The following DAB2IP variants were observed in gnomAD, a reference collection of about 807,000 sequenced individuals.
The protein encoded by DAB2IP is disabled homolog 2-interacting protein.
Under a neutral mutation model 107.2 loss-of-function variants are expected in DAB2IP, and 28 were observed. The observed-to-expected ratio is 0.26, with a 90% CI of 0.19 to 0.36. The LOEUF (loss-of-function observed/expected upper bound fraction) is 0.36, where lower values mean the gene tolerates loss of function less well. Among genes scored for constraint, DAB2IP ranks in the 10% least tolerant of loss-of-function variants. The probability of loss-of-function intolerance (pLI) is 1.00; values close to 1 mark genes in which losing one functional copy is unlikely to be tolerated. For synonymous variants in DAB2IP, 755 were observed against 706.4 expected (o/e 1.07, Z -1.09); for missense variants, 1,400 against 1,644.7 (o/e 0.85, Z 2.57).
chr9:121,745,143 G>T (rs549514355), intron 3 of DAB2IP, among the ~76,000 whole-genome samples: 1 of 152,350 alleles, frequency 6.6e-6, no homozygotes, highest in South Asian at 2.1e-4. Context: ...GCCTTGGGAA[G>T]CCCCTGGAGG....
chr9:121,642,710 T>G (rs1832405389), intron 1 of DAB2IP, among the ~76,000 whole-genome samples: 1 of 151,970 alleles, frequency 6.6e-6, no homozygotes, highest in Non-Finnish European at 1.5e-5. Flanking sequence ...TTCTATGCAC[T>G]GGGCATATGG....
At chr9:121,644,477 A>G (rs1403933556) in intron 1 of DAB2IP, among the ~76,000 whole-genome samples, 1 of 151,608 alleles carries the variant, frequency 6.6e-6, no homozygotes, top group Non-Finnish European at 1.5e-5. Flanking sequence ...CACGCCTGTA[A>G]TCCCAGTTAC....
intron 1 of DAB2IP, among the ~76,000 whole-genome samples, chr9:121,569,196 G>A (rs892189757): frequency 1.3e-5 from 2 of 152,232 alleles, no homozygotes; most frequent in East Asian, 1.9e-4. Flanking sequence ...GGAAAACTGC[G>A]GTCTCAGTGA....
chr9:121,571,275 G>C (rs1161350914), intron 1 of DAB2IP, among the ~76,000 whole-genome samples: 4 of 152,036 alleles, frequency 2.6e-5, no homozygotes, highest in African/African-American at 9.7e-5. Context: ...TGCATCTCCC[G>C]TGAGTCTCTA....
Position 121,593,597 on chromosome 9 carries a change from A to ACTTTCTTT in DAB2IP, c.40+26386_40+26393dup, listed in dbSNP as rs375746544. On this transcript the variant is annotated intron_variant, in intron 1 of 16. Transcript: ENST00000259371. ...CCCTGGAATTTTTGATCAGCCTCCC[A>ACTTTCTTT]CTTTCTTTCTTTCTTTCTTTCTTTA... Among the ~76,000 whole-genome samples the ACTTTCTTT allele has an allele frequency of 6.6e-3, 969 of 146,040 alleles. 10 individuals carry two copies. Among genetic ancestry groups the ACTTTCTTT allele is most frequent in the African/African-American group, 0.023 (915 of 39,518 alleles).
In DAB2IP at chr9:121,778,271, C is replaced by T. The variant is rs992884242; in HGVS notation, c.3314+1880C>T. Among the ~76,000 whole-genome samples the T allele has an allele frequency of 5.9e-5, 9 of 152,278 alleles. No homozygotes were observed. In the East Asian group the frequency reaches 1.7e-3, roughly 29 times the overall value. On this transcript the variant is annotated intron_variant, in intron 14 of 15. Transcript: ENST00000408936. ...AAGCCCATAGGATGTAATCACCTCT[C>T]AAAACCCCTACCTATTAAGATAATC...
chr9:121,685,328 G>A (rs1482837192), intron 2 of DAB2IP, among the ~76,000 whole-genome samples: 1 of 152,216 alleles, frequency 6.6e-6, no homozygotes, highest in Non-Finnish European at 1.5e-5. Flanking sequence ...GGCCAGGGTG[G>A]GGCAAGGATG....
At chr9:121,603,425 A>G (rs1830758581) in intron 1 of DAB2IP, among the ~76,000 whole-genome samples, 1 of 152,238 alleles carries the variant, frequency 6.6e-6, no homozygotes, top group African/African-American at 2.4e-5. Context: ...AGCACAAATT[A>G]TTAAACACCC....
At chr9:121,570,253 C>T (rs1829906518) in intron 1 of DAB2IP, among the ~76,000 whole-genome samples, 1 of 151,624 alleles carries the variant, frequency 6.6e-6, no homozygotes, top group East Asian at 1.9e-4. Flanking sequence ...GCTGGGACCA[C>T]AGGTGCACAA....
chr9:121,675,296 G>A (rs912842614), intron 1 of DAB2IP, among the ~76,000 whole-genome samples: 2 of 152,202 alleles, frequency 1.3e-5, no homozygotes, highest in Non-Finnish European at 2.9e-5. Flanking sequence ...CATAGGTAAA[G>A]GTGTGGAGGT....
At chr9:121,691,248 G>A (rs1202286844) in intron 2 of DAB2IP, among the ~76,000 whole-genome samples, 1 of 151,790 alleles carries the variant, frequency 6.6e-6, no homozygotes. Flanking sequence ...TATGGGGTGG[G>A]GGAGGCACTA....
chr9:121,574,926 A>G (rs1472543973), intron 1 of DAB2IP: 4 of 152,252 alleles, frequency 2.6e-5, no homozygotes, highest in Non-Finnish European at 5.9e-5. Flanking sequence ...AATAAAGAAC[A>G]AAGAGGCCAG....
chr9:121,760,039 G>A lies in DAB2IP; in HGVS notation c.770G>A (p.Gly257Asp). Residue 257 changes from glycine (G) to aspartate (D), a missense_variant, in exon 6 of 16, where the codon GGC becomes GAC. By Grantham distance (94) the Gly-to-Asp change is moderately conservative. Around this residue, in one of 3 missense-constraint regions of DAB2IP, gnomAD observed 517 missense variants for 748.6 expected, o/e 0.69. Coordinates refer to ENST00000408936, the Ensembl canonical transcript of DAB2IP. This position sits in a 1 kb window ranked among gnomAD's most constrained non-coding sequence, Gnocchi z 5.9. ...CTCAAGACGGACAATGTTTTCTGGG[G>A]CGAGCACTTCGAGTTCCACAACTTG... 6.2e-7 allele frequency: 1 copy of A among 1,614,106 alleles called. No homozygotes were observed. The highest frequency in any genetic ancestry group is 8.5e-7 in the Non-Finnish European group (1 of 1,180,042).
intron 3 of DAB2IP, among the ~76,000 whole-genome samples, chr9:121,725,120 C>T (rs974565939): frequency 3.3e-5 from 5 of 152,288 alleles, no homozygotes; most frequent in African/African-American, 9.6e-5. Flanking sequence ...AGGCCTGGCC[C>T]GGCTTCCCAG....
chr9:121,743,859 G>A (rs1832527846), intron 3 of DAB2IP, among the ~76,000 whole-genome samples: 1 of 146,112 alleles, frequency 6.8e-6, no homozygotes, highest in African/African-American at 2.7e-5. Context: ...TCCCAGGAGG[G>A]ACTCCGGAGC....
Position 121,773,780 on chromosome 9 carries a change from G to A in DAB2IP, c.2967+285G>A, listed in dbSNP as rs139222392. Among the ~76,000 whole-genome samples the A allele has an allele frequency of 1.1e-4, 17 of 152,306 alleles. No individual in the cohort carries two copies. The East Asian group carries it at 2.7e-3, about 24-fold the overall frequency. ...AGAGGAGGAGAGTGCATTCATCTTCGGTTCCAAGCCTGTCGAAGCGCCTAC... is the reference window on the plus strand; with the variant it reads ...AGAGGAGGAGAGTGCATTCATCTTCAGTTCCAAGCCTGTCGAAGCGCCTAC... On this transcript the variant is annotated intron_variant, in intron 12 of 15. Coordinates refer to ENST00000408936, the Ensembl canonical transcript of DAB2IP.
At chr9:121,697,442 G>A (rs1451871617) in intron 2 of DAB2IP, among the ~76,000 whole-genome samples, 2 of 152,184 alleles carry the variant, frequency 1.3e-5, no homozygotes, top group African/African-American at 2.4e-5. Context: ...CCTATAGCTG[G>A]CAAGAGGCAG....
intron 4 of DAB2IP, 116 bp from the exon 5 acceptor site, chr9:121,758,782 G>T (rs1587966039): frequency 1.2e-6 from 1 of 842,214 alleles, no homozygotes; most frequent in East Asian, 2.5e-5. Flanking sequence ...CCTTCCTGAA[G>T]CTGTGATGCA....
chr9:121,782,432 C>T lies in DAB2IP; in HGVS notation c.3504C>T (p.Ser1168=). The change falls in exon 16 of 16, where the codon TCC becomes TCT. Residue 1168 remains serine (S), a synonymous_variant. Transcript: ENST00000408936. This position sits in a 1 kb window ranked among gnomAD's most constrained non-coding sequence, Gnocchi z 6.1. ...GCATGCAAGCCCGTAACGGCATCTC[C>T]CCCACCAACCCCACCAAATTGCAGA... 7 of 1,614,090 alleles carry T rather than the reference C, an allele frequency of 4.3e-6. No individual in the cohort carries two copies. The highest frequency in any genetic ancestry group is 5.1e-6 in the Non-Finnish European group (6 of 1,179,984).
Sources: gnomAD v4.1 joint callset for allele counts (sites outside exome capture counted in the v4.1 genomes callset) on GRCh38, gnomAD v4.1.1 for gene constraint, gnomAD v4.1.1 regional missense constraint, Gnocchi (gnomAD v3.1) non-coding constraint, MANE v1.5 for transcripts, NCBI Gene and HGNC (gene_info 2026-07-23, HGNC 2026-07-21) for gene names.